FAXC: variants seen among roughly 807,000 people sequenced by gnomAD.
The protein encoded by FAXC is failed axon connections homolog.
FAXC carries 10 observed loss-of-function variants against 41.9 expected under a neutral mutation model. That is an observed-to-expected ratio of 0.24 (90% CI 0.15 to 0.41). The LOEUF is 0.41. Ranked by LOEUF, FAXC falls within the 10% of genes least tolerant of loss-of-function variation. The pLI is 1.00. For synonymous variants in FAXC, 183 were observed against 183.8 expected, an observed-to-expected ratio of 1.00 and a Z score of 0.03; for missense variants, 399 against 510.9, an observed-to-expected ratio of 0.78 and a Z score of 2.11.
chr6:99,348,617 G>A (rs1773680961), intron 1 of FAXC, among the ~76,000 whole-genome samples: 1 of 152,180 alleles, frequency 6.6e-6, no homozygotes, highest in Non-Finnish European at 1.5e-5. Context: ...ACTTGGTCAT[G>A]CATCTTTAAC....
At chr6:99,335,135 T>TA (rs767262005) in intron 2 of FAXC, among the ~76,000 whole-genome samples, 4 of 152,200 alleles carry the variant, frequency 2.6e-5, no homozygotes, top group Non-Finnish European at 5.9e-5. Context: ...CCCCTACCCT[T>TA]ACAGAGTAAC....
intron 2 of FAXC, among the ~76,000 whole-genome samples, chr6:99,340,241 A>C (rs1773372245): frequency 6.6e-6 from 1 of 151,980 alleles, no homozygotes; most frequent in Non-Finnish European, 1.5e-5. Context: ...CTGGGATTAC[A>C]GGCACACGCC....
chr6:99,302,513 G>A (rs1255150143), intron 4 of FAXC, among the ~76,000 whole-genome samples: 2 of 152,030 alleles, frequency 1.3e-5, no homozygotes, highest in African/African-American at 4.8e-5. Flanking sequence ...AAAATTAGCT[G>A]GGCGTGGTGG....
rs913341103 is a variant in FAXC, at chr6:99,327,299, T to A, written c.600-3632A>T. 2.0e-5 allele frequency among the ~76,000 whole-genome samples: 3 copies of A among 152,118 alleles called. No individual in the cohort carries two copies. The South Asian group carries it at 6.2e-4, about 32-fold the overall frequency. On this transcript the variant is annotated intron_variant, in intron 3 of 5. Coordinates refer to ENST00000389677, the MANE Select transcript of FAXC (RefSeq NM_032511.4). ...AATCAACTACCACACATAGAAGATA[T>A]CACATTGTATATGTTTCCATGTTAT... is the stretch of plus-strand genomic sequence containing the variant.
chr6:99,316,164 C>A (rs1022870569), intron 4 of FAXC, among the ~76,000 whole-genome samples: 2 of 151,676 alleles, frequency 1.3e-5, no homozygotes, highest in Non-Finnish European at 2.9e-5. Flanking sequence ...CTCGCCCCCC[C>A]CCACCCACAA....
intron 1 of FAXC, among the ~76,000 whole-genome samples, chr6:99,348,885 CA>C (rs1310764916): frequency 1.3e-5 from 2 of 152,214 alleles, no homozygotes; most frequent in Admixed American, 6.5e-5. Flanking sequence ...TTTTGGGAGA[CA>C]AATGTTTTTC....
Position 99,349,126 on chromosome 6 carries a change from G to T in FAXC, c.247C>A (p.His83Asn), listed in dbSNP as rs1773700098. Residue 83 changes from histidine to asparagine, a missense_variant, in exon 1 of 6, where the codon CAC becomes AAC. His to Asn is a moderately conservative substitution (Grantham distance 68, BLOSUM62 1). Coordinates refer to ENST00000389677, the MANE Select transcript of FAXC (RefSeq NM_032511.4). ...ALLAAAAYLL[H>N]ELLVIRKQQE... Reference sequence around the variant, plus strand: ...GCTCACCTAATGACCAGGAGTTCGTGGAGCAGATACGCAGCTGCGGCCAGC... The same window carrying T: ...GCTCACCTAATGACCAGGAGTTCGTTGAGCAGATACGCAGCTGCGGCCAGC... 1 of 1,613,628 alleles carries T rather than the reference G, an allele frequency of 6.2e-7. No homozygotes were observed. Among genetic ancestry groups the T allele is most frequent in the African/African-American group, 1.3e-5 (1 of 75,054 alleles).
At chr6:99,287,128 A>G (rs1387651242) in intron 5 of FAXC, among the ~76,000 whole-genome samples, 1 of 152,194 alleles carries the variant, frequency 6.6e-6, no homozygotes, top group Non-Finnish European at 1.5e-5. Flanking sequence ...AATCACATAA[A>G]TTACCATATA....
upstream of FAXC, chr6:99,349,890 T>A (rs1773747100): frequency 6.6e-6 from 1 of 151,880 alleles, no homozygotes. Context: ...TGCCTGGAAA[T>A]GCGGCCCCAC....
In FAXC at chr6:99,279,233, C is replaced by G. The variant is rs1770736879; in HGVS notation, c.*1931G>C. 2.0e-5 allele frequency: 3 copies of G among 152,162 alleles called. No individual in the cohort carries two copies. The highest frequency in any genetic ancestry group is 2.4e-5 in the African/African-American group (1 of 41,426). 9.4% of individuals were successfully genotyped at this position (152,162 alleles called of 1,614,324 possible). On this transcript the variant is annotated 3_prime_UTR_variant, in exon 6 of 6. Coordinates refer to ENST00000389677, the MANE Select transcript of FAXC (RefSeq NM_032511.4). ...TCTTCTCCACCACATTCTTATTAGG[C>G]ATCAAACAGTCCCTTTAAATAAGAA...
chr6:99,310,375 T>C (rs1582649561), intron 4 of FAXC, among the ~76,000 whole-genome samples: 1 of 152,330 alleles, frequency 6.6e-6, no homozygotes, highest in South Asian at 2.1e-4. Flanking sequence ...ACAGACACAT[T>C]TGAATTACCT....
intron 2 of FAXC, among the ~76,000 whole-genome samples, chr6:99,336,180 T>C (rs1215006337): frequency 2.0e-5 from 3 of 152,276 alleles, no homozygotes; most frequent in African/African-American, 7.2e-5. Flanking sequence ...CCTCCCAAAG[T>C]GCTGGGATTA....
In FAXC at chr6:99,271,765, G is replaced by C. The variant is rs1770409473; in HGVS notation, c.*9399C>G. On this transcript the variant is annotated 3_prime_UTR_variant, in exon 6 of 6. Coordinates refer to ENST00000389677, the MANE Select transcript of FAXC (RefSeq NM_032511.4). ...AGATATTCCCATGTTGGGAAGGGAG[G>C]GTTAGAATTTTGAATGTTACCTGAT... 1 of 152,092 alleles carries C rather than the reference G, an allele frequency of 6.6e-6. No homozygotes were observed. The highest frequency in any genetic ancestry group is 1.5e-5 in the Non-Finnish European group (1 of 68,016). 9.4% of individuals were successfully genotyped at this position (152,092 alleles called of 1,614,324 possible).
At position 99,323,634 on chromosome 6, in the gene FAXC, G is replaced by T. The variant is rs1384887098; in HGVS notation, c.633C>A (p.Leu211=). The change falls in exon 4 of 6, where the codon CTC becomes CTA. Residue 211 remains leucine (L), a synonymous_variant. Transcript: ENST00000389677. The part of the protein sequence containing the change: ...TLAYCQWVDN[L]NETRKMLSLS... ...GAGAGAGCATCTTCCGGGTCTCATT[G>T]AGATTGTCCACCCACTGGCAATAAG... 6.2e-7 allele frequency: 1 copy of T among 1,614,210 alleles called. No individual in the cohort carries two copies. Among genetic ancestry groups the T allele is most frequent in the East Asian group, 2.2e-5 (1 of 44,896 alleles).
At chr6:99,339,294 G>A (rs1201172725) in intron 2 of FAXC, among the ~76,000 whole-genome samples, 1 of 152,188 alleles carries the variant, frequency 6.6e-6, no homozygotes, top group Admixed American at 6.5e-5. Context: ...GGAGCCATTT[G>A]GGGGAATGGC....
chr6:99,288,927 C>A (rs561915859), intron 5 of FAXC, among the ~76,000 whole-genome samples: 2 of 152,012 alleles, frequency 1.3e-5, no homozygotes, highest in South Asian at 4.2e-4. Context: ...TCTACATGAC[C>A]ACCACACATG....
chr6:99,305,730 T>C (rs1223723261), intron 4 of FAXC, among the ~76,000 whole-genome samples: 1 of 149,744 alleles, frequency 6.7e-6, no homozygotes, highest in African/African-American at 2.4e-5. Context: ...ATATATTATA[T>C]ATAGTTTTGA....
intron 4 of FAXC, among the ~76,000 whole-genome samples, chr6:99,297,943 T>A (rs1023034873): frequency 6.6e-6 from 1 of 152,180 alleles, no homozygotes; most frequent in Admixed American, 6.5e-5. Flanking sequence ...GAGAGTAGTC[T>A]AGCAGCACCA....
intron 4 of FAXC, among the ~76,000 whole-genome samples, chr6:99,318,260 A>AAAACACAC (rs1294149379): frequency 0.026 from 1,671 of 64,762 alleles, 82 homozygotes; most frequent in East Asian, 0.076. Context: ...CTCCGTCTCA[A>AAAACACAC]ACACACACAC....
Sources: allele counts gnomAD v4.1 joint callset (sites outside exome capture counted in the v4.1 genomes callset), GRCh38; gene constraint gnomAD v4.1.1; transcripts MANE v1.5; gene names NCBI Gene and HGNC (gene_info 2026-07-23, HGNC 2026-07-21).